INTS3: variants seen among roughly 807,000 people sequenced by gnomAD.
INTS3 encodes the protein integrator complex subunit 3.
A neutral mutation model predicts 146.3 loss-of-function variants in INTS3; 34 were observed. The observed-to-expected ratio is 0.23, with a 90% CI of 0.18 to 0.31. The LOEUF (loss-of-function observed/expected upper bound fraction) is 0.31. INTS3 is among the 10% of genes least tolerant of loss of function. The pLI is 1.00. For missense variants in INTS3, 757 were observed against 1,304.2 expected (o/e 0.58, Z 6.46); for synonymous variants, 475 against 494.9 (o/e 0.96, Z 0.53).
chr1:153,738,086 A>G (rs888807352), intron 1 of INTS3, among the ~76,000 whole-genome samples: 2 of 152,136 alleles, frequency 1.3e-5, no homozygotes, highest in African/African-American at 4.8e-5. Flanking sequence ...TTTAAAAAAC[A>G]TAATCATAAT....
intron 1 of INTS3, among the ~76,000 whole-genome samples, chr1:153,731,389 G>C (rs888961908): frequency 6.6e-6 from 1 of 151,970 alleles, no homozygotes; most frequent in African/African-American, 2.4e-5. Flanking sequence ...CTTTGAAGGC[G>C]GAAGTCTTCT....
At chr1:153,745,353 C>T (rs1275277177) in intron 3 of INTS3, among the ~76,000 whole-genome samples, 1 of 151,966 alleles carries the variant, frequency 6.6e-6, no homozygotes, top group African/African-American at 2.4e-5. Flanking sequence ...GATGGAGTTT[C>T]ACCATGTTGG....
chr1:153,773,328 A>G lies in INTS3; in HGVS notation c.*58A>G, dbSNP rs1364270087. 1.4e-6 allele frequency: 2 copies of G among 1,477,134 alleles called. No individual in the cohort carries two copies. The highest frequency in any genetic ancestry group is 1.9e-6 in the Non-Finnish European group (2 of 1,055,164). The allele number at this position is 1,477,134 out of a possible 1,614,324, so 91.5% of individuals were successfully genotyped here. A position where few individuals can be genotyped will look rare whatever the true frequency, so the allele number is the denominator to read the frequency against. On this transcript the variant is annotated 3_prime_UTR_variant, in exon 30 of 30. Transcript: ENST00000318967. ...ACTGCCCTCTCCTTCTTGGTGATTC[A>G]AAGGTTAATAGAGGCTGAGGAGATT...
At chr1:153,763,155 G>T (rs941346408) in intron 15 of INTS3, 78 bp from the exon 16 acceptor site, 1 of 1,574,076 alleles carries the variant, frequency 6.4e-7, no homozygotes, top group Admixed American at 1.7e-5. Flanking sequence ...TGTGAGGAAG[G>T]GGATAAGTCA....
At chr1:153,750,961 AAATC>A (rs1170056985) in intron 6 of INTS3, 130 bp from the exon 7 acceptor site, 12 of 878,130 alleles carry the variant, frequency 1.4e-5, no homozygotes, top group Non-Finnish European at 2.1e-5. Context: ...AGCAAGCAAA[AAATC>A]AAAGCATCTA....
At chr1:153,770,100 TG>T (rs869120496) in intron 23 of INTS3, 97 bp from the exon 24 acceptor site, 1 of 409,100 alleles carries the variant, frequency 2.4e-6, no homozygotes. Context: ...TGTGTGTGTG[TG>T]TGCTGGTAGT....
intron 11 of INTS3, 67 bp from the exon 12 acceptor site, chr1:153,760,232 CAAAAAAAAAAAA>C (rs58951043): frequency 2.2e-4 from 88 of 395,410 alleles, no homozygotes; most frequent in Middle Eastern, 1.5e-3. Flanking sequence ...GACTCTGTTT[CAAAAAAAAAAAA>C]AAAAAAAAAA....
In INTS3 at chr1:153,773,284, C is replaced by G. The variant is rs779186348; in HGVS notation, c.*14C>G. On this transcript the variant is annotated 3_prime_UTR_variant, in exon 30 of 30. Coordinates refer to ENST00000318967, the MANE Select transcript of INTS3 (RefSeq NM_023015.5). Reference sequence around the variant, plus strand: ...GACAGTGACTGAGGCCCTGCATTCCCCATCCCACCCCCGGCTGGACTGCCC... The same window carrying G: ...GACAGTGACTGAGGCCCTGCATTCCGCATCCCACCCCCGGCTGGACTGCCC... The G allele has an allele frequency of 1.2e-6, 2 of 1,610,824 alleles. No homozygotes were observed. The highest frequency in any genetic ancestry group is 1.7e-6 in the Non-Finnish European group (2 of 1,176,988).
At chr1:153,764,054 G>A in intron 17 of INTS3, 64 bp from the exon 18 acceptor site, 1 of 1,404,706 alleles carries the variant, frequency 7.1e-7, no homozygotes, top group Non-Finnish European at 1.0e-6. Context: ...CCAAGACTGG[G>A]ATCGTGGGGG....
In INTS3 at chr1:153,728,697, T is replaced by TGGAGGA. The variant is rs553348230; in HGVS notation, c.71_76dup (p.Gly24_Gly25dup). ...CAGCTGCTTCGGGAGCAGCGGGAGGTGGAGGAGGAGGAGCGGGAGCAGGAG... is the reference window on the plus strand; with the variant it reads ...CAGCTGCTTCGGGAGCAGCGGGAGGTGGAGGAGGAGGAGGAGGAGCGGGAGCAGGAG... On this transcript the variant is annotated inframe_insertion, in exon 1 of 30. Coordinates refer to ENST00000318967, the MANE Select transcript of INTS3 (RefSeq NM_023015.5). 6.3e-7 allele frequency: 1 copy of TGGAGGA among 1,597,752 alleles called. No homozygotes were observed. The highest frequency in any genetic ancestry group is 1.7e-5 in the Admixed American group (1 of 57,752).
chr1:153,766,613 T>C (rs1228461670), intron 20 of INTS3: 5 of 152,090 alleles, frequency 3.3e-5, no homozygotes, highest in Admixed American at 6.6e-5. Flanking sequence ...GTATATTTTC[T>C]TTGGAGAAAT....
At chr1:153,765,486 C>G (rs1023660159) in intron 20 of INTS3, among the ~76,000 whole-genome samples, 6 of 152,114 alleles carry the variant, frequency 3.9e-5, no homozygotes, top group Admixed American at 6.5e-5. Flanking sequence ...TGCGCCATCA[C>G]GCCCAGTTAT....
intron 2 of INTS3, 140 bp downstream of exon 2, chr1:153,740,874 A>T: frequency 1.4e-6 from 1 of 716,610 alleles, no homozygotes; most frequent in Admixed American, 2.1e-5. Flanking sequence ...AAATTTCTCA[A>T]TTCTTCTCTT....
chr1:153,728,504 A>G lies in INTS3; in HGVS notation c.-131A>G. 3.5e-6 allele frequency: 4 copies of G among 1,131,288 alleles called. No individual in the cohort carries two copies. In the South Asian group the frequency reaches 4.7e-5, roughly 13 times the overall value. 70.1% of individuals were successfully genotyped at this position (1,131,288 alleles called of 1,614,324 possible). ...TGGAGAGGAGGGAGGAGTGGAGAGG[A>G]CAGGGGCCCTTGCTCTCCCCTCCCC... On this transcript the variant is annotated 5_prime_UTR_variant, in exon 1 of 30. Coordinates refer to ENST00000318967, the MANE Select transcript of INTS3 (RefSeq NM_023015.5).
chr1:153,765,490 C>T (rs762248160), intron 20 of INTS3, among the ~76,000 whole-genome samples: 7 of 152,112 alleles, frequency 4.6e-5, no homozygotes, highest in Non-Finnish European at 7.4e-5. Flanking sequence ...CCATCACGCC[C>T]AGTTATTGGT....
At chr1:153,750,171 G>C (rs1391001502) in intron 6 of INTS3, among the ~76,000 whole-genome samples, 1 of 152,254 alleles carries the variant, frequency 6.6e-6, no homozygotes, top group Admixed American at 6.5e-5. Context: ...GAATCAGGAT[G>C]TGGCCTGCTT....
chr1:153,769,927 C>A, intron 23 of INTS3, 83 bp downstream of exon 23: 4 of 1,046,198 alleles, frequency 3.8e-6, no homozygotes, highest in South Asian at 2.6e-5. Flanking sequence ...ATCAGGAAAG[C>A]TGGTTCTGGG....
intron 1 of INTS3, among the ~76,000 whole-genome samples, chr1:153,737,824 G>C (rs2101782814): frequency 6.6e-6 from 1 of 152,016 alleles, no homozygotes; most frequent in Admixed American, 6.6e-5. Flanking sequence ...TTTGGCTTTT[G>C]GTGCTCTATT....
chr1:153,762,094 C>T (rs1296225341), intron 14 of INTS3, among the ~76,000 whole-genome samples: 1 of 152,248 alleles, frequency 6.6e-6, no homozygotes, highest in Non-Finnish European at 1.5e-5. Context: ...CACACATACA[C>T]ACTTTGTTTT....
Sources: gnomAD v4.1 joint callset for allele counts (sites outside exome capture counted in the v4.1 genomes callset) on GRCh38, gnomAD v4.1.1 for gene constraint, MANE v1.5 for transcripts, NCBI Gene and HGNC (gene_info 2026-07-23, HGNC 2026-07-21) for gene names.